The following HRH1 variants were observed in gnomAD, a reference collection of about 807,000 sequenced individuals.
HRH1 encodes histamine receptor H1.
In HRH1, 6 loss-of-function variants were observed where a neutral mutation model predicts 10.3. That is an observed-to-expected ratio of 0.58 (90% CI 0.32 to 1.15). The LOEUF is 1.15. Ranked by LOEUF, HRH1 falls within the 50% of genes most tolerant of loss-of-function variation. The pLI is 0.05. For missense variants in HRH1, 514 were observed against 615.3 expected (o/e 0.84, Z 1.74); for synonymous variants, 242 against 236.7 (o/e 1.02, Z -0.21).
chr3:11,232,122 G>A (rs1327881284), intron 1 of HRH1, among the ~76,000 whole-genome samples: 2 of 151,870 alleles, frequency 1.3e-5, no homozygotes, highest in Non-Finnish European at 2.9e-5. Context: ...CAAGTAGCTG[G>A]GAATACAGGT....
intron 1 of HRH1, among the ~76,000 whole-genome samples, chr3:11,199,727 G>T (rs1937827808): frequency 2.6e-5 from 4 of 152,196 alleles, no homozygotes. Flanking sequence ...TGCTGTTGAT[G>T]GATCTAAGAG....
chr3:11,168,460 T>C (rs937191869), intron 1 of HRH1, among the ~76,000 whole-genome samples: 3 of 152,128 alleles, frequency 2.0e-5, no homozygotes, highest in Non-Finnish European at 4.4e-5. Flanking sequence ...TAGGCCAGGG[T>C]ACAATGTGGA....
intron 1 of HRH1, among the ~76,000 whole-genome samples, chr3:11,258,012 G>T (rs1939829000): frequency 2.0e-5 from 3 of 152,092 alleles, no homozygotes; most frequent in African/African-American, 7.2e-5. Flanking sequence ...TACTTGGCAT[G>T]ATTTATGTAA....
chr3:11,150,641 G>A (rs1936588037), upstream of HRH1, among the ~76,000 whole-genome samples: 1 of 152,192 alleles, frequency 6.6e-6, no homozygotes, highest in South Asian at 2.1e-4. Flanking sequence ...AGGATTTAAA[G>A]TTATCAGTGA....
intron 1 of HRH1, among the ~76,000 whole-genome samples, chr3:11,247,009 A>T (rs1484517442): frequency 1.3e-5 from 2 of 152,218 alleles, no homozygotes. Context: ...GATGATAAAT[A>T]GTATATACAT....
chr3:11,231,640 G>A (rs541375021), intron 1 of HRH1, among the ~76,000 whole-genome samples: 8 of 152,140 alleles, frequency 5.3e-5, no homozygotes, highest in African/African-American at 7.2e-5. Flanking sequence ...TCATCTGTTT[G>A]ATGAAATGTT....
intron 1 of HRH1, among the ~76,000 whole-genome samples, chr3:11,158,432 G>C (rs1936860364): frequency 6.6e-6 from 1 of 152,196 alleles, no homozygotes; most frequent in Non-Finnish European, 1.5e-5. Context: ...ATAAGTTACA[G>C]AGTTTAGAAG....
At position 11,259,327 on chromosome 3, in the gene HRH1, G is replaced by A. The variant is rs139664451; in HGVS notation, c.290G>A (p.Arg97His). ...YLLMSKWSLG[R>H]PLCLFWLSMD... ...CTCATGTCCAAGTGGTCACTGGGCC[G>A]TCCTCTCTGCCTCTTTTGGCTTTCC... The change falls in exon 2 of 2, where the codon CGT (arginine) becomes CAT (histidine). Residue 97 changes from arginine to histidine, a missense_variant. Physicochemically the swap from Arg to His is conservative, Grantham distance 29. Transcript: ENST00000431010. This position sits in a 1 kb window ranked among gnomAD's most constrained non-coding sequence, Gnocchi z 4.6. 2.6e-5 allele frequency: 42 copies of A among 1,613,422 alleles called. No homozygotes were observed. The highest frequency in any genetic ancestry group is 6.7e-5 in the East Asian group (3 of 44,880).
intron 1 of HRH1, among the ~76,000 whole-genome samples, chr3:11,233,000 A>G (rs1416593276): frequency 6.6e-6 from 1 of 152,114 alleles, no homozygotes; most frequent in East Asian, 1.9e-4. Context: ...CATTCTCATT[A>G]TGGTAAGGTG....
intron 1 of HRH1, among the ~76,000 whole-genome samples, chr3:11,247,682 C>T (rs181154178): frequency 0.034 from 5,182 of 152,146 alleles, 133 homozygotes; most frequent in Non-Finnish European, 0.055. Context: ...TAAAGCTTTT[C>T]GAAGAAGAAT....
chr3:11,227,203 A>G (rs1169231360), intron 1 of HRH1, among the ~76,000 whole-genome samples: 1 of 152,066 alleles, frequency 6.6e-6, no homozygotes, highest in Admixed American at 6.5e-5. Flanking sequence ...AGTCACCTGT[A>G]GTGCAGAGTT....
At chr3:11,159,503 G>T (rs769901320) in intron 1 of HRH1, among the ~76,000 whole-genome samples, 4 of 152,068 alleles carry the variant, frequency 2.6e-5, no homozygotes, top group African/African-American at 9.7e-5. Flanking sequence ...TTTTCAACCC[G>T]TTAACATGAT....
chr3:11,141,868 G>C (rs1936298083), intron 1 of HRH1, among the ~76,000 whole-genome samples: 1 of 152,196 alleles, frequency 6.6e-6, no homozygotes, highest in East Asian at 1.9e-4. Flanking sequence ...GTGTGATCAC[G>C]TGTAGGGCAA....
intron 1 of HRH1, among the ~76,000 whole-genome samples, chr3:11,169,118 G>A (rs1937105397): frequency 1.3e-5 from 2 of 152,202 alleles, no homozygotes; most frequent in South Asian, 2.1e-4. Flanking sequence ...TTTGAATCAC[G>A]GCTCTGCCAC....
At chr3:11,218,689 C>T (rs1383909889) in intron 1 of HRH1, among the ~76,000 whole-genome samples, 1 of 151,704 alleles carries the variant, frequency 6.6e-6, no homozygotes, top group East Asian at 2.0e-4. Flanking sequence ...GATTCTCCTG[C>T]CTCAGTCTCC....
At chr3:11,172,699 C>T (rs1021365933) in intron 1 of HRH1, among the ~76,000 whole-genome samples, 4 of 126,440 alleles carry the variant, frequency 3.2e-5, no homozygotes, top group African/African-American at 1.5e-4. Context: ...TGGCTTTTGG[C>T]GAATCTTTTT....
chr3:11,239,592 T>G (rs1178932583), intron 1 of HRH1, among the ~76,000 whole-genome samples: 1 of 152,196 alleles, frequency 6.6e-6, no homozygotes. Flanking sequence ...TTTGCCTAAC[T>G]CAAGGTCACA....
intron 1 of HRH1, among the ~76,000 whole-genome samples, chr3:11,144,380 T>C (rs1936361941): frequency 3.8e-4 from 1 of 2,648 alleles, no homozygotes; most frequent in Non-Finnish European, 6.4e-4. Flanking sequence ...TATATATATG[T>C]CTATATGTGT....
chr3:11,213,513 C>G (rs1163919714), intron 1 of HRH1, among the ~76,000 whole-genome samples: 1 of 152,182 alleles, frequency 6.6e-6, no homozygotes, highest in Non-Finnish European at 1.5e-5. Context: ...CCTAGAAAGT[C>G]CAAGATCAAG....
Sources: gnomAD v4.1 joint callset for allele counts (sites outside exome capture counted in the v4.1 genomes callset) on GRCh38, gnomAD v4.1.1 for gene constraint, Gnocchi (gnomAD v3.1) non-coding constraint, MANE v1.5 for transcripts, NCBI Gene and HGNC (gene_info 2026-07-23, HGNC 2026-07-21) for gene names.